STARD9: variants seen among roughly 807,000 people sequenced by gnomAD.
The protein encoded by STARD9 is stAR-related lipid transfer protein 9.
In STARD9, 346 loss-of-function variants were observed where a neutral mutation model predicts 399.8. That is an observed-to-expected ratio of 0.87 (90% confidence interval 0.79 to 0.95). The LOEUF is 0.95. Ranked by LOEUF, STARD9 falls within the 40% of genes least tolerant of loss-of-function variation. The probability of loss-of-function intolerance (pLI) is 0.00; values close to 1 mark genes in which losing one functional copy is unlikely to be tolerated. For missense variants in STARD9, 5,832 were observed against 5,667.5 expected, an observed-to-expected ratio of 1.03 and a Z score of -0.93; for synonymous variants, 2,203 against 2,143.5, an observed-to-expected ratio of 1.03 and a Z score of -0.77.
intron 9 of STARD9, among the ~76,000 whole-genome samples, chr15:42,655,245 G>A (rs1319718345): frequency 6.6e-6 from 1 of 152,176 alleles, no homozygotes; most frequent in Non-Finnish European, 1.5e-5. Context: ...TCACACCGCT[G>A]CACTCCAGCC....
chr15:42,588,804 T>C lies in STARD9; in HGVS notation c.234+3167T>C, dbSNP rs1409064451. On this transcript the variant is annotated intron_variant, in intron 3 of 32. Transcript: ENST00000290607. ...TTTTTTTTTTTTTTTTTTTTTTTTT[T>C]TTTTTTTTTTTGGAGTGGGGGGTGG... 1.2e-4 allele frequency among the ~76,000 whole-genome samples: 5 copies of C among 40,878 alleles called. 1 individual carries two copies. Among genetic ancestry groups the C allele is most frequent in the Admixed American group, 6.2e-4 (2 of 3,224 alleles). 26.8% of individuals were successfully genotyped at this position (40,878 alleles called of 152,430 possible).
At chr15:42,671,628 AGCTGGTACTGATAAC>A (rs1477809965) in intron 16 of STARD9, 2 of 151,236 alleles carry the variant, frequency 1.3e-5, no homozygotes, top group Admixed American at 6.6e-5. Flanking sequence ...AAGGAATGTG[AGCTGGTACTGATAAC>A]GCTGGTACTG....
chr15:42,639,633 T>A (rs913086310), intron 7 of STARD9, among the ~76,000 whole-genome samples: 1 of 152,040 alleles, frequency 6.6e-6, no homozygotes, highest in Admixed American at 6.6e-5. Context: ...AGGCTGAGAT[T>A]GGTGAATTTG....
intron 8 of STARD9, 108 bp from the exon 9 acceptor site, chr15:42,652,412 C>G: frequency 1.1e-6 from 1 of 915,198 alleles, no homozygotes; most frequent in Non-Finnish European, 1.7e-6. Flanking sequence ...TTTTATGATT[C>G]TTGTCGGTGA....
intron 3 of STARD9, among the ~76,000 whole-genome samples, chr15:42,598,000 ATGTGTGTGTGTGTGTGTGTGTGTG>A (rs572054615): frequency 1.7e-5 from 2 of 115,110 alleles, no homozygotes; most frequent in Non-Finnish European, 3.4e-5. Flanking sequence ...GTATATATAT[ATGTGTGTGTGTGTGTGTGTGTGTG>A]TGTGTGTGTG....
chr15:42,646,514 T>C (rs554397324), intron 7 of STARD9, among the ~76,000 whole-genome samples: 1 of 152,368 alleles, frequency 6.6e-6, no homozygotes, highest in South Asian at 2.1e-4. Context: ...CTCTGCCAGC[T>C]CCAACTTTTC....
chr15:42,665,994 CG>C (rs1595733858), intron 15 of STARD9, 146 bp downstream of exon 15: 1 of 707,008 alleles, frequency 1.4e-6, no homozygotes, highest in Non-Finnish European at 2.4e-6. Flanking sequence ...AAGCCTTGAC[CG>C]GGGGATGTGT....
chr15:42,687,553 A>G lies in STARD9; in HGVS notation c.5975A>G (p.Glu1992Gly). The stretch of plus-strand genomic sequence containing the variant: ...GGTCTTCGTCCCAAAGATAGCTCAG[A>G]AGAGTTTAAGCTTCCAGGTACAAAG... ...EKGLRPKDSS[E>G]EFKLPGTKPA... Residue 1992 changes from glutamate to glycine, a missense_variant, in exon 23 of 33, where the codon GAA becomes GGA. By Grantham distance (98) the Glu-to-Gly change is moderately conservative (BLOSUM62 -2). Transcript: ENST00000290607. The G allele has an allele frequency of 6.5e-7, 1 of 1,537,056 alleles. No individual in the cohort carries two copies. Among genetic ancestry groups the G allele is most frequent in the Non-Finnish European group, 8.7e-7 (1 of 1,146,888 alleles).
intron 20 of STARD9, 136 bp from the exon 21 acceptor site, chr15:42,681,286 A>G (rs2060421473): frequency 2.4e-6 from 2 of 821,310 alleles, no homozygotes; most frequent in Non-Finnish European, 3.7e-6. Context: ...CTGTTTGTCC[A>G]AGGTTGCCAG....
intron 3 of STARD9, among the ~76,000 whole-genome samples, chr15:42,595,677 A>T (rs1227266194): frequency 6.6e-6 from 1 of 152,226 alleles, no homozygotes; most frequent in Non-Finnish European, 1.5e-5. Context: ...GCATTTTCTC[A>T]TGAATATTTG....
At chr15:42,663,158 A>G in intron 11 of STARD9, 123 bp from the exon 12 acceptor site, 1 of 937,196 alleles carries the variant, frequency 1.1e-6, no homozygotes, top group Non-Finnish European at 1.6e-6. Context: ...AAAATATCCT[A>G]TTGTATGCAG....
chr15:42,681,253 G>A (rs1288265286), intron 20 of STARD9, among the ~76,000 whole-genome samples, 169 bp from the exon 21 acceptor site: 3 of 152,090 alleles, frequency 2.0e-5, no homozygotes, highest in East Asian at 3.9e-4. Context: ...CTGTGACATC[G>A]TAAGCTGCCT....
intron 3 of STARD9, among the ~76,000 whole-genome samples, chr15:42,629,273 C>T (rs1291384273): frequency 6.6e-6 from 1 of 152,182 alleles, no homozygotes; most frequent in Non-Finnish European, 1.5e-5. Context: ...TCTTCCTCAG[C>T]CTCCTAAAGT....
At chr15:42,619,509 G>A (rs1017273766) in intron 3 of STARD9, among the ~76,000 whole-genome samples, 6 of 150,262 alleles carry the variant, frequency 4.0e-5, no homozygotes, top group Admixed American at 1.3e-4. Context: ...AGCCAAGATC[G>A]TGCCACTGCA....
At chr15:42,651,816 G>A (rs1055266908) in intron 8 of STARD9, among the ~76,000 whole-genome samples, 1 of 152,124 alleles carries the variant, frequency 6.6e-6, no homozygotes, top group African/African-American at 2.4e-5. Flanking sequence ...TGATTTTTCA[G>A]TGTCAGGCTT....
chr15:42,695,673 A>AGGAAAAGGCGTG (rs1257095701), intron 25 of STARD9, 70 bp from the exon 26 acceptor site: 53 of 1,484,342 alleles, frequency 3.6e-5, no homozygotes, highest in Non-Finnish European at 4.7e-5. Flanking sequence ...GGCTTTGGGT[A>AGGAAAAGGCGTG]GGAAAAGGCG....
At position 42,652,608 on chromosome 15, in the gene STARD9, T is replaced by C. The variant is rs1420309486; in HGVS notation, c.702+16T>C. ...CTACACGCAGGTTGGTAACTCCTTA[T>C]GTTTGGTGAGATTTCTTCCTCTCCT... On this transcript the variant is annotated intron_variant, in intron 9 of 32. Coordinates refer to ENST00000290607, the MANE Select transcript of STARD9 (RefSeq NM_020759.3). 1 of 1,534,718 alleles carries C rather than the reference T, an allele frequency of 6.5e-7. No individual in the cohort carries two copies. The highest frequency in any genetic ancestry group is 8.7e-7 in the Non-Finnish European group (1 of 1,144,418).
rs1263909986 is a variant in STARD9, at chr15:42,687,085, C to G, written c.5507C>G (p.Pro1836Arg). The G allele has an allele frequency of 6.5e-7, 1 of 1,537,066 alleles. No individual in the cohort carries two copies. The highest frequency in any genetic ancestry group is 8.7e-7 in the Non-Finnish European group (1 of 1,146,916). ...REVIRESGKCPGNITEESHDS... is the reference protein window; with the variant it reads ...REVIRESGKCRGNITEESHDS... ...GTCATCAGAGAATCAGGTAAATGCC[C>G]TGGAAATATTACAGAAGAAAGCCAT... Residue 1836 changes from proline to arginine, a missense_variant, in exon 23 of 33, where the codon CCT (proline) becomes CGT (arginine). Around this residue, in one of 2 missense-constraint regions of STARD9, gnomAD observed 5,828 missense variants for 5,651.1 expected, o/e 1.03. Coordinates refer to ENST00000290607, the MANE Select transcript of STARD9 (RefSeq NM_020759.3).
rs2059392450 is a variant in STARD9, at chr15:42,634,963, G to A, written c.342G>A (p.Leu114=). ...QTGSGKTYTM[L]GTPASVGLTP... ...GCTCTGGGAAGACATATACCATGCT[G>A]GGGACCCCAGTGAGTATTACAATGA... The change falls in exon 4 of 33, where the codon CTG becomes CTA. Residue 114 remains leucine, a synonymous_variant. Transcript: ENST00000290607. 1 of 1,529,182 alleles carries A rather than the reference G, an allele frequency of 6.5e-7. No individual in the cohort carries two copies. The highest frequency in any genetic ancestry group is 2.5e-5 in the East Asian group (1 of 40,778). 94.7% of individuals were successfully genotyped at this position (1,529,182 alleles called of 1,614,324 possible).
Sources: gnomAD v4.1 joint callset for allele counts (sites outside exome capture counted in the v4.1 genomes callset) on GRCh38, gnomAD v4.1.1 for gene constraint, gnomAD v4.1.1 regional missense constraint, MANE v1.5 for transcripts, NCBI Gene and HGNC (gene_info 2026-07-23, HGNC 2026-07-21) for gene names.